CDK14: variants seen among roughly 807,000 people sequenced by gnomAD.
CDK14 encodes the protein cyclin-dependent kinase 14.
CDK14 carries 34 observed loss-of-function variants against 60.7 expected under a neutral mutation model. The observed-to-expected ratio is 0.56, with a 90% CI of 0.43 to 0.75. The LOEUF is 0.75. Ranked by LOEUF, CDK14 falls within the 30% of genes least tolerant of loss-of-function variation. The pLI is 0.00. For missense variants in CDK14, 482 were observed against 564.1 expected (o/e 0.85, Z 1.47); for synonymous variants, 197 against 203.7 (o/e 0.97, Z 0.28).
intron 5 of CDK14, among the ~76,000 whole-genome samples, chr7:90,808,841 A>C (rs1234080233): frequency 6.6e-6 from 1 of 152,210 alleles, no homozygotes; most frequent in East Asian, 1.9e-4. Flanking sequence ...GACAGACTTT[A>C]AACCAACAAA....
chr7:91,190,694 C>T (rs1380896625), intron 14 of CDK14, among the ~76,000 whole-genome samples: 1 of 151,950 alleles, frequency 6.6e-6, no homozygotes, highest in Non-Finnish European at 1.5e-5. Flanking sequence ...TTCGCCATGC[C>T]GGACAGGCTG....
intron 14 of CDK14, among the ~76,000 whole-genome samples, chr7:91,146,428 T>C (rs545233987): frequency 6.6e-6 from 1 of 151,116 alleles, no homozygotes; most frequent in Non-Finnish European, 1.5e-5. Context: ...CTTGAACTCA[T>C]GACCTCAGGT....
intron 2 of CDK14, among the ~76,000 whole-genome samples, chr7:90,633,019 C>A (rs564131886): frequency 4.1e-4 from 62 of 151,012 alleles, no homozygotes; most frequent in African/African-American, 1.4e-3. Context: ...TTGCTTGAAT[C>A]TGGGAGGTGG....
intron 2 of CDK14, among the ~76,000 whole-genome samples, chr7:90,717,525 A>T (rs1262075343): frequency 6.6e-6 from 1 of 152,130 alleles, no homozygotes; most frequent in African/African-American, 2.4e-5. Flanking sequence ...TAGCTGAGGA[A>T]TTCAGGATTT....
At chr7:90,992,697 C>T (rs943202760) in intron 10 of CDK14, among the ~76,000 whole-genome samples, 2 of 152,138 alleles carry the variant, frequency 1.3e-5, no homozygotes, top group Non-Finnish European at 2.9e-5. Flanking sequence ...GGAGTAGCAA[C>T]TTGGGTGGGT....
chr7:90,884,103 G>C (rs1403546431), intron 6 of CDK14, among the ~76,000 whole-genome samples: 2 of 152,186 alleles, frequency 1.3e-5, no homozygotes, highest in Non-Finnish European at 2.9e-5. Flanking sequence ...TCAGGCAAGA[G>C]AAAGAAATAA....
At chr7:90,799,451 G>A (rs1406739118) in intron 5 of CDK14, among the ~76,000 whole-genome samples, 2 of 152,052 alleles carry the variant, frequency 1.3e-5, no homozygotes, top group Non-Finnish European at 2.9e-5. Context: ...ACTTTGGGAG[G>A]CGGAGGCAGG....
intron 12 of CDK14, among the ~76,000 whole-genome samples, chr7:91,098,959 G>GAGA (rs1338032566): frequency 6.6e-6 from 1 of 152,064 alleles, no homozygotes; most frequent in Non-Finnish European, 1.5e-5. Flanking sequence ...AAGGTTTATT[G>GAGA]AGAACATAAA....
chr7:90,887,520 G>A (rs1302585922), intron 6 of CDK14, among the ~76,000 whole-genome samples: 1 of 152,082 alleles, frequency 6.6e-6, no homozygotes, highest in Non-Finnish European at 1.5e-5. Flanking sequence ...CATCTAGCCA[G>A]GAAGATTTAG....
At chr7:91,147,162 T>TCTCTCTCTCTCTCTCACACA (rs1438870514) in intron 14 of CDK14, among the ~76,000 whole-genome samples, 1 of 124,698 alleles carries the variant, frequency 8.0e-6, no homozygotes, top group African/African-American at 3.3e-5. Context: ...TCTCTCTCTC[T>TCTCTCTCTCTCTCTCACACA]CACACACACA....
intron 6 of CDK14, among the ~76,000 whole-genome samples, chr7:90,869,513 A>C (rs1362671972): frequency 1.3e-5 from 2 of 152,178 alleles, no homozygotes; most frequent in African/African-American, 4.8e-5. Flanking sequence ...TCAGAATGAG[A>C]TGGGAAGCCT....
At chr7:90,611,799 T>G (rs918975218) in intron 2 of CDK14, among the ~76,000 whole-genome samples, 1 of 152,088 alleles carries the variant, frequency 6.6e-6, no homozygotes, top group African/African-American at 2.4e-5. Context: ...CTTTCGTACC[T>G]TTTGACTCTT....
chr7:90,871,413 A>G (rs1271438489), intron 6 of CDK14, among the ~76,000 whole-genome samples: 3 of 152,188 alleles, frequency 2.0e-5, no homozygotes, highest in East Asian at 3.9e-4. Context: ...AGGAGCTCCA[A>G]TAAGATGCCA....
intron 9 of CDK14, among the ~76,000 whole-genome samples, chr7:90,964,358 TA>T (rs1255137011): frequency 6.6e-6 from 1 of 152,182 alleles, no homozygotes; most frequent in Admixed American, 6.5e-5. Context: ...ATTGTTATAG[TA>T]GAAAACATAT....
intron 2 of CDK14, among the ~76,000 whole-genome samples, chr7:90,614,472 T>C (rs1241690478): frequency 1.3e-5 from 2 of 152,160 alleles, no homozygotes; most frequent in African/African-American, 4.8e-5. Flanking sequence ...ATAATTGAAG[T>C]AATGTTCACT....
intron 9 of CDK14, among the ~76,000 whole-genome samples, chr7:90,964,619 A>AT (rs1409412051): frequency 2.0e-5 from 3 of 152,110 alleles, no homozygotes; most frequent in Non-Finnish European, 4.4e-5. Flanking sequence ...GTTTTTAATT[A>AT]TTTTTTATTT....
At chr7:90,727,132 C>T (rs1802665398) in intron 3 of CDK14, among the ~76,000 whole-genome samples, 1 of 152,106 alleles carries the variant, frequency 6.6e-6, no homozygotes. Flanking sequence ...TTGAACTTTA[C>T]TGTGTAGGCA....
At chr7:90,675,899 T>C (rs1016465526) in intron 2 of CDK14, among the ~76,000 whole-genome samples, 1 of 152,138 alleles carries the variant, frequency 6.6e-6, no homozygotes, top group African/African-American at 2.4e-5. Flanking sequence ...CCTAAAACAG[T>C]CAAGGCAGGA....
At chr7:90,966,346 A>G (rs1158813590) in intron 9 of CDK14, among the ~76,000 whole-genome samples, 1 of 152,160 alleles carries the variant, frequency 6.6e-6, no homozygotes, top group African/African-American at 2.4e-5. Context: ...ATTAAGCACT[A>G]TAAATCTATA....
Sources: gnomAD v4.1 joint callset for allele counts (sites outside exome capture counted in the v4.1 genomes callset) on GRCh38, gnomAD v4.1.1 for gene constraint, MANE v1.5 for transcripts, NCBI Gene and HGNC (gene_info 2026-07-23, HGNC 2026-07-21) for gene names.